Variants in LRRC4C observed in about 807,000 individuals in gnomAD.
LRRC4C encodes leucine-rich repeat-containing protein 4C.
A neutral mutation model predicts 33.6 loss-of-function variants in LRRC4C; 5 were observed. The ratio of observed to expected loss-of-function variants is 0.15; its 90% confidence interval spans 0.08 to 0.31. LRRC4C has a LOEUF of 0.31. LRRC4C is among the 10% of genes least tolerant of loss of function. The pLI is 1.00. For synonymous variants in LRRC4C, 329 were observed against 302.0 expected, an observed-to-expected ratio of 1.09 and a Z score of -0.93; for missense variants, 560 against 796.7, an observed-to-expected ratio of 0.70 and a Z score of 3.58.
intron 3 of LRRC4C, among the ~76,000 whole-genome samples, chr11:40,591,145 G>A (rs1035834838): frequency 2.6e-5 from 4 of 152,116 alleles, no homozygotes; most frequent in African/African-American, 7.2e-5. Flanking sequence ...GTGGGCATAC[G>A]ACCCTCCGAG....
chr11:41,116,397 A>C (rs1436281128), intron 1 of LRRC4C, among the ~76,000 whole-genome samples: 1 of 152,172 alleles, frequency 6.6e-6, no homozygotes, highest in African/African-American at 2.4e-5. Flanking sequence ...TTATATCTAT[A>C]TTTAATCAAA....
chr11:40,282,096 T>C (rs1943514974), intron 4 of LRRC4C, among the ~76,000 whole-genome samples: 1 of 151,982 alleles, frequency 6.6e-6, no homozygotes, highest in African/African-American at 2.4e-5. Flanking sequence ...TAAATAAATC[T>C]TTCGCACTTT....
At chr11:40,827,311 G>T (rs566391904) in intron 2 of LRRC4C, among the ~76,000 whole-genome samples, 1 of 152,038 alleles carries the variant, frequency 6.6e-6, no homozygotes, top group African/African-American at 2.4e-5. Context: ...TGAAGCCAAA[G>T]ACTGTCGCTG....
At chr11:40,458,446 C>T (rs898552066) in intron 3 of LRRC4C, among the ~76,000 whole-genome samples, 1 of 152,154 alleles carries the variant, frequency 6.6e-6, no homozygotes, top group Non-Finnish European at 1.5e-5. Flanking sequence ...CATAATTTCT[C>T]TTAAATCTGT....
At chr11:40,801,938 A>G (rs1305210056) in intron 2 of LRRC4C, among the ~76,000 whole-genome samples, 1 of 152,234 alleles carries the variant, frequency 6.6e-6, no homozygotes, top group Admixed American at 6.5e-5. Context: ...TCACTCCTTC[A>G]CATGGAGAAA....
At chr11:40,167,773 G>A (rs1859718638) in intron 5 of LRRC4C, among the ~76,000 whole-genome samples, 1 of 152,100 alleles carries the variant, frequency 6.6e-6, no homozygotes, top group African/African-American at 2.4e-5. Context: ...ACCCTTATAA[G>A]GGAATAGACT....
Position 40,329,055 on chromosome 11 carries a change from G to A in LRRC4C, c.-269-9334C>T, listed in dbSNP as rs578076546. ...GGGGGAAAACTGAGACCTCTGTGGT[G>A]AGCCAAAAAGTAGGCTTAGTGCAAA... is the stretch of plus-strand genomic sequence containing the variant. On this transcript the variant is annotated intron_variant, in intron 3 of 6. Transcript: ENST00000528697. Among the ~76,000 whole-genome samples the A allele has an allele frequency of 5.3e-5, 8 of 152,302 alleles. No individual in the cohort carries two copies. The South Asian group carries it at 1.2e-3, about 24-fold the overall frequency.
intron 1 of LRRC4C, among the ~76,000 whole-genome samples, chr11:41,442,660 G>A (rs904622267): frequency 3.6e-4 from 54 of 151,576 alleles, no homozygotes; most frequent in African/African-American, 8.9e-4. Flanking sequence ...TAGTAGAGAC[G>A]GGGTTTCACT....
chr11:41,321,374 CA>C (rs746163277), intron 1 of LRRC4C, among the ~76,000 whole-genome samples: 8 of 151,986 alleles, frequency 5.3e-5, no homozygotes, highest in Non-Finnish European at 1.2e-4. Context: ...AATTCTAAGA[CA>C]AATTTTTTGA....
chr11:40,205,674 C>T (rs753847494), intron 5 of LRRC4C, among the ~76,000 whole-genome samples: 2 of 152,142 alleles, frequency 1.3e-5, no homozygotes, highest in Non-Finnish European at 2.9e-5. Context: ...TGTTTTCCCA[C>T]GTTCTCACCC....
At chr11:40,668,755 A>G (rs1031569624) in intron 2 of LRRC4C, among the ~76,000 whole-genome samples, 1 of 152,138 alleles carries the variant, frequency 6.6e-6, no homozygotes, top group East Asian at 1.9e-4. Flanking sequence ...TAATTACCCA[A>G]TGGAATAGAA....
At chr11:41,286,437 A>G (rs1007002961) in intron 1 of LRRC4C, among the ~76,000 whole-genome samples, 6 of 152,172 alleles carry the variant, frequency 3.9e-5, no homozygotes, top group East Asian at 1.9e-4. Flanking sequence ...AGCACTAGAA[A>G]AAGTAACCCA....
chr11:40,371,994 A>G (rs1311790929), intron 3 of LRRC4C, among the ~76,000 whole-genome samples: 1 of 152,230 alleles, frequency 6.6e-6, no homozygotes, highest in African/African-American at 2.4e-5. Context: ...GTAAACATAT[A>G]TATTCAAAGA....
At chr11:40,988,258 G>C (rs1225547719) in intron 1 of LRRC4C, among the ~76,000 whole-genome samples, 1 of 152,156 alleles carries the variant, frequency 6.6e-6, no homozygotes, top group African/African-American at 2.4e-5. Context: ...CACGGTCCCA[G>C]CTCCACAATG....
intron 1 of LRRC4C, among the ~76,000 whole-genome samples, chr11:41,002,699 T>TG (rs1854474452): frequency 6.6e-6 from 1 of 152,180 alleles, no homozygotes; most frequent in South Asian, 2.1e-4. Context: ...AGTGCATGGA[T>TG]AAGTGATTTA....
intron 2 of LRRC4C, among the ~76,000 whole-genome samples, chr11:40,887,277 T>G (rs1955513813): frequency 6.6e-6 from 1 of 151,932 alleles, no homozygotes; most frequent in Non-Finnish European, 1.5e-5. Context: ...ACAATGATCA[T>G]CAGTGGATTC....
intron 3 of LRRC4C, among the ~76,000 whole-genome samples, chr11:40,436,785 G>T (rs1458870973): frequency 6.6e-6 from 1 of 152,180 alleles, no homozygotes; most frequent in Non-Finnish European, 1.5e-5. Flanking sequence ...GCATGGTGAA[G>T]AACAGCACTG....
intron 2 of LRRC4C, among the ~76,000 whole-genome samples, chr11:40,781,293 A>G (rs749574210): frequency 5.9e-5 from 9 of 152,152 alleles, no homozygotes; most frequent in Non-Finnish European, 1.3e-4. Context: ...TATGTGGCAT[A>G]TGACAGCATA....
At chr11:41,341,999 GACCT>G (rs897583284) in intron 1 of LRRC4C, among the ~76,000 whole-genome samples, 1 of 152,122 alleles carries the variant, frequency 6.6e-6, no homozygotes, top group Non-Finnish European at 1.5e-5. Context: ...GAGTCATCTT[GACCT>G]AACTTTTCAT....
Sources: allele counts gnomAD v4.1 joint callset (sites outside exome capture counted in the v4.1 genomes callset), GRCh38; gene constraint gnomAD v4.1.1; transcripts MANE v1.5; gene names NCBI Gene and HGNC (gene_info 2026-07-23, HGNC 2026-07-21).